Variants in RNF111 observed in about 807,000 individuals in gnomAD.
RNF111 encodes ring finger protein 111.
Under a neutral mutation model 95.1 loss-of-function variants are expected in RNF111, and 17 were observed. That is an observed-to-expected ratio of 0.18 (90% confidence interval 0.12 to 0.27). RNF111 has a LOEUF of 0.27. RNF111 is among the 10% of genes least tolerant of loss of function. The pLI is 1.00. For missense variants in RNF111, 1,189 were observed against 1,210.4 expected (o/e 0.98, Z 0.26); for synonymous variants, 440 against 414.8 (o/e 1.06, Z -0.74).
intron 2 of RNF111, among the ~76,000 whole-genome samples, chr15:59,045,704 A>G (rs1386189064): frequency 1.3e-5 from 2 of 152,200 alleles, no homozygotes; most frequent in Non-Finnish European, 2.9e-5. Flanking sequence ...TTTTACCACC[A>G]TACTTAATTC....
chr15:59,002,205 A>T (rs1357059535), intron 1 of RNF111, among the ~76,000 whole-genome samples: 2 of 152,212 alleles, frequency 1.3e-5, no homozygotes, highest in Non-Finnish European at 2.9e-5. Context: ...AGTGTTGGTT[A>T]AAACTCACCA....
chr15:59,070,161 C>T (rs1271090109), intron 6 of RNF111, among the ~76,000 whole-genome samples: 2 of 150,232 alleles, frequency 1.3e-5, no homozygotes, highest in Admixed American at 6.7e-5. Flanking sequence ...AGGCATGTAC[C>T]ACTGTGCCTA....
chr15:59,062,034 A>G (rs1045804332), intron 5 of RNF111, among the ~76,000 whole-genome samples: 5 of 141,020 alleles, frequency 3.5e-5, no homozygotes, highest in Non-Finnish European at 6.2e-5. Context: ...TTTGACCACT[A>G]TATTTGTTTT....
chr15:59,082,598 C>T (rs1483619578), intron 8 of RNF111, among the ~76,000 whole-genome samples: 1 of 152,156 alleles, frequency 6.6e-6, no homozygotes, highest in Non-Finnish European at 1.5e-5. Flanking sequence ...TGGAAAACAG[C>T]TGCAGTTTTT....
At chr15:59,008,347 A>G (rs745995144) in intron 1 of RNF111, among the ~76,000 whole-genome samples, 5 of 151,982 alleles carry the variant, frequency 3.3e-5, no homozygotes, top group Non-Finnish European at 7.4e-5. Context: ...CCTCCTGAGT[A>G]GCTGAGACTG....
chr15:58,994,513 T>G (rs1263223964), intron 1 of RNF111, among the ~76,000 whole-genome samples: 1 of 140,690 alleles, frequency 7.1e-6, no homozygotes, highest in African/African-American at 2.7e-5. Context: ...AGTCTCGCTG[T>G]GTTGCCCAGG....
At chr15:59,047,767 T>C (rs2041782994) in intron 2 of RNF111, among the ~76,000 whole-genome samples, 1 of 151,594 alleles carries the variant, frequency 6.6e-6, no homozygotes, top group Non-Finnish European at 1.5e-5. Context: ...GTAGAGACAG[T>C]TTTTCGCCAT....
At position 59,092,621 on chromosome 15, in the gene RNF111, G is replaced by C. The variant is rs1206971685; in HGVS notation, c.2824G>C (p.Glu942Gln). The change falls in exon 13 of 14, where the codon GAG (glutamate) becomes CAG (glutamine). Residue 942 changes from glutamate to glutamine, a missense_variant. Physicochemically the swap from Glu to Gln is conservative, Grantham distance 29 (BLOSUM62 2). Coordinates refer to ENST00000348370, the MANE Select transcript of RNF111 (RefSeq NM_017610.8). ...ATGTACTATCTGTTTGTCTATTTTA[G>C]AGGAAGGTGAAGATGTGAGGTAACT... ...EKCTICLSILEEGEDVRRLPC... is the reference protein window; with the variant it reads ...EKCTICLSILQEGEDVRRLPC... 1.9e-6 allele frequency: 3 copies of C among 1,611,246 alleles called. No individual in the cohort carries two copies. Among genetic ancestry groups the C allele is most frequent in the Non-Finnish European group, 2.5e-6 (3 of 1,178,232 alleles).
At chr15:59,041,846 G>A (rs955315830) in intron 2 of RNF111, among the ~76,000 whole-genome samples, 1 of 151,588 alleles carries the variant, frequency 6.6e-6, no homozygotes, top group Admixed American at 6.6e-5. Flanking sequence ...TAGTATGTCA[G>A]TACATTTTAA....
At position 59,009,633 on chromosome 15, in the gene RNF111, G is replaced by A. The variant is rs78627099; in HGVS notation, c.-19-21171G>A. On this transcript the variant is annotated intron_variant, in intron 1 of 13. Coordinates refer to ENST00000348370, the MANE Select transcript of RNF111 (RefSeq NM_017610.8). ...TGGAGCATTTGTGAGTGAGTGTCCA[G>A]AATATTACCCAGTAATTTGACTCAA... Among the ~76,000 whole-genome samples the A allele has an allele frequency of 9.9e-3, 1,512 of 152,030 alleles. 25 individuals are homozygous for A. The highest frequency in any genetic ancestry group is 0.034 in the African/African-American group (1,418 of 41,452).
intron 1 of RNF111, among the ~76,000 whole-genome samples, chr15:59,025,943 T>G (rs1031231878): frequency 6.6e-6 from 1 of 152,102 alleles, no homozygotes; most frequent in Middle Eastern, 3.2e-3. Flanking sequence ...TTGGTCAGGC[T>G]GGTCTCGAAC....
In RNF111 at chr15:59,031,599, T is replaced by C; in HGVS notation, c.777T>C (p.Asn259=). The change falls in exon 2 of 14, where the codon AAT becomes AAC. Residue 259 remains asparagine, a synonymous_variant. Transcript: ENST00000348370. ...LLPSSSSSSE[N]DLSSESSSSS... is the part of the protein sequence containing the mutation. ...CTAGTTCTAGTAGTTCCAGTGAGAA[T>C]GACCTCAGCAGTGAATCCTCTTCTA... is the stretch of plus-strand genomic sequence containing the variant. 1 of 1,614,232 alleles carries C rather than the reference T, an allele frequency of 6.2e-7. No individual in the cohort carries two copies. The highest frequency in any genetic ancestry group is 8.5e-7 in the Non-Finnish European group (1 of 1,180,034).
chr15:59,095,962 T>C lies in RNF111; in HGVS notation c.*1062T>C, dbSNP rs1189011802. The stretch of plus-strand genomic sequence containing the variant: ...GTAAATAAAGTCAGCTGAATCTACA[T>C]GTCTCTTGTTTTATTTCTCTCTAAA... On this transcript the variant is annotated 3_prime_UTR_variant, in exon 14 of 14. Transcript: ENST00000348370. 2.5e-6 allele frequency: 1 copy of C among 398,414 alleles called. No individual in the cohort carries two copies. The highest frequency in any genetic ancestry group is 2.1e-5 in the African/African-American group (1 of 48,616). The allele number at this position is 398,414 out of a possible 1,614,324, so 24.7% of individuals were successfully genotyped here.
intron 6 of RNF111, among the ~76,000 whole-genome samples, chr15:59,067,725 T>C (rs2142087032): frequency 6.6e-6 from 1 of 152,342 alleles, no homozygotes; most frequent in East Asian, 1.9e-4. Flanking sequence ...TTTGGGATCT[T>C]ACTTTAAACA....
intron 5 of RNF111, among the ~76,000 whole-genome samples, chr15:59,062,077 G>T (rs1273160545): frequency 4.3e-5 from 6 of 140,036 alleles, no homozygotes; most frequent in African/African-American, 1.6e-4. Context: ...TTTTCCCCGA[G>T]ACAGGGTCTT....
At position 59,055,540 on chromosome 15, in the gene RNF111, G is replaced by A. The variant is rs185752240; in HGVS notation, c.1008-142G>A. ...AGGTCAATTAGTTTACCGAGTGCCAGTCATGATTTTTAATTACGATTATTT... is the reference window on the plus strand; with the variant it reads ...AGGTCAATTAGTTTACCGAGTGCCAATCATGATTTTTAATTACGATTATTT... On this transcript the variant is annotated intron_variant, in intron 3 of 13. Coordinates refer to ENST00000348370, the MANE Select transcript of RNF111 (RefSeq NM_017610.8). The A allele has an allele frequency of 4.4e-4, 177 of 406,126 alleles. No individual in the cohort carries two copies. In the African/African-American group the frequency reaches 5.8e-3, roughly 13 times the overall value. The allele number at this position is 406,126 out of a possible 1,614,324, so 25.2% of individuals were successfully genotyped here.
intron 7 of RNF111, among the ~76,000 whole-genome samples, chr15:59,077,738 G>A (rs758279900): frequency 6.6e-5 from 10 of 152,096 alleles, no homozygotes; most frequent in Non-Finnish European, 1.2e-4. Flanking sequence ...TATGTCAGAG[G>A]GCTAAACTTT....
intron 10 of RNF111, among the ~76,000 whole-genome samples, chr15:59,088,880 T>C (rs2140228214): frequency 6.6e-6 from 1 of 152,294 alleles, no homozygotes; most frequent in Non-Finnish European, 1.5e-5. Context: ...CAGCCTTCTT[T>C]GCTTAGGAAC....
At chr15:59,042,789 C>T (rs1209663530) in intron 2 of RNF111, among the ~76,000 whole-genome samples, 1 of 152,126 alleles carries the variant, frequency 6.6e-6, no homozygotes, top group East Asian at 1.9e-4. Flanking sequence ...CTCTGTCTGT[C>T]CATGTACAGG....
Sources: gnomAD v4.1 joint callset for allele counts (sites outside exome capture counted in the v4.1 genomes callset) on GRCh38, gnomAD v4.1.1 for gene constraint, MANE v1.5 for transcripts, NCBI Gene and HGNC (gene_info 2026-07-23, HGNC 2026-07-21) for gene names.